The following SKA2 variants were observed in gnomAD, a reference collection of about 807,000 sequenced individuals.
SKA2 encodes spindle and kinetochore associated complex subunit 2.
In SKA2, 13 loss-of-function variants were observed where a neutral mutation model predicts 16.9. The observed-to-expected ratio is 0.77, with a 90% CI of 0.50 to 1.22. The LOEUF is 1.22. Ranked by LOEUF, SKA2 falls within the 50% of genes most tolerant of loss-of-function variation. The probability of loss-of-function intolerance (pLI) is 0.00; values close to 1 mark genes in which losing one functional copy is unlikely to be tolerated. For missense variants in SKA2, 107 were observed against 139.7 expected, an observed-to-expected ratio of 0.77 and a Z score of 1.18; for synonymous variants, 47 against 48.5, an observed-to-expected ratio of 0.97 and a Z score of 0.13.
intron 1 of SKA2, among the ~76,000 whole-genome samples, chr17:59,131,832 A>G (rs990909066): frequency 6.6e-6 from 1 of 152,218 alleles, no homozygotes; most frequent in African/African-American, 2.4e-5. Context: ...AAAGAGCTAC[A>G]ACTATGTGCC....
At position 59,142,948 on chromosome 17, in the gene SKA2, A is replaced by AG. The variant is rs1555712994; in HGVS notation, c.34-11582_34-11581insC. 8.7e-3 allele frequency among the ~76,000 whole-genome samples: 1,293 copies of AG among 149,280 alleles called. 13 individuals carry two copies. The highest frequency in any genetic ancestry group is 0.031 in the African/African-American group (1,217 of 39,750). ...ATCTCAAAAAAAAAAAAAAAAAAAAAAGAGAGAGAGACAGTGTCTCACTGT... is the reference window on the plus strand; with the variant it reads ...ATCTCAAAAAAAAAAAAAAAAAAAAAGAGAGAGAGAGACAGTGTCTCACTGT... On this transcript the variant is annotated intron_variant, in intron 1 of 3. Transcript: ENST00000330137.
At chr17:59,131,605 C>T (rs182921074) in intron 1 of SKA2, among the ~76,000 whole-genome samples, 1 of 152,174 alleles carries the variant, frequency 6.6e-6, no homozygotes, top group African/African-American at 2.4e-5. Context: ...CTCTCTCTTA[C>T]ATTTTGAGCC....
At chr17:59,132,487 AACCCC>A (rs2046418115) in intron 1 of SKA2, among the ~76,000 whole-genome samples, 3 of 152,330 alleles carry the variant, frequency 2.0e-5, no homozygotes, top group Admixed American at 2.0e-4. Context: ...AACATGGCAA[AACCCC>A]ATCTCTACTA....
At chr17:59,127,624 T>G (rs769551018) in intron 2 of SKA2, among the ~76,000 whole-genome samples, 8 of 152,102 alleles carry the variant, frequency 5.3e-5, no homozygotes, top group African/African-American at 1.7e-4. Flanking sequence ...TGACATCAGA[T>G]GATCAGCCTG....
At chr17:59,121,682 C>T (rs981921179) in intron 2 of SKA2, among the ~76,000 whole-genome samples, 6 of 148,598 alleles carry the variant, frequency 4.0e-5, no homozygotes, top group Non-Finnish European at 7.4e-5. Context: ...GGCGCGGTGG[C>T]TCACGCCTGT....
intron 3 of SKA2, among the ~76,000 whole-genome samples, chr17:59,114,414 T>C (rs1185011881): frequency 6.6e-6 from 1 of 152,230 alleles, no homozygotes; most frequent in Non-Finnish European, 1.5e-5. Context: ...ACTCAGGCTA[T>C]ATGGTATAGC....
rs193131652 is a variant in SKA2 at position 59,151,524 on chromosome 17, C to T, written c.33+3607G>A. 1.1e-3 allele frequency among the ~76,000 whole-genome samples: 171 copies of T among 152,120 alleles called. 1 individual carries two copies. Among genetic ancestry groups the T allele is most frequent in the Admixed American group, 7.1e-3 (108 of 15,260 alleles). The stretch of plus-strand genomic sequence containing the variant: ...GTTAATACTTTAGGATTGGTATTAA[C>T]AAAACCAGTTATAATTACTACTAAG... On this transcript the variant is annotated intron_variant, in intron 1 of 3. Transcript: ENST00000330137.
chr17:59,117,593 C>CT (rs112188258), intron 3 of SKA2, among the ~76,000 whole-genome samples: 2,211 of 143,456 alleles, frequency 0.015, 38 homozygotes, highest in African/African-American at 0.042. Context: ...TCTTTTTTTT[C>CT]TTTTTTTTTT....
At chr17:59,147,116 G>A (rs1418858456) in intron 1 of SKA2, among the ~76,000 whole-genome samples, 1 of 151,850 alleles carries the variant, frequency 6.6e-6, no homozygotes, top group Non-Finnish European at 1.5e-5. Flanking sequence ...CGAGATCACA[G>A]CATTGCACTC....
chr17:59,122,833 G>A (rs961251770), intron 2 of SKA2, among the ~76,000 whole-genome samples: 1 of 151,784 alleles, frequency 6.6e-6, no homozygotes, highest in Non-Finnish European at 1.5e-5. Context: ...ATGTTGGCCA[G>A]GCTGGTCTAG....
chr17:59,119,372 C>T lies in SKA2; in HGVS notation c.244G>A (p.Val82Met), dbSNP rs778862571. ...TGTATCATATTCATAGTCTTTTTCA[C>T]AGTAGCACAAATGCGGCTCTTACTC... ...KESKSRICAT[V>M]KKTMNMIQKL... The change falls in exon 3 of 4, where the codon GTG (valine) becomes ATG (methionine). Residue 82 changes from valine (V) to methionine (M), a missense_variant. Transcript: ENST00000330137. 5.6e-6 allele frequency: 9 copies of T among 1,613,962 alleles called. No individual in the cohort carries two copies. The highest frequency in any genetic ancestry group is 4.4e-5 in the South Asian group (4 of 91,080).
At chr17:59,146,730 T>G (rs2046535062) in intron 1 of SKA2, among the ~76,000 whole-genome samples, 1 of 152,166 alleles carries the variant, frequency 6.6e-6, no homozygotes, top group Admixed American at 6.5e-5. Context: ...GGCAGCACAA[T>G]CATAGCTCAT....
chr17:59,147,396 A>G (rs2046541928), intron 1 of SKA2, among the ~76,000 whole-genome samples: 1 of 151,686 alleles, frequency 6.6e-6, no homozygotes, highest in Non-Finnish European at 1.5e-5. Flanking sequence ...ACACACACAC[A>G]CACACACACA....
At position 59,135,751 on chromosome 17, in the gene SKA2, A is replaced by G. The variant is rs561649037; in HGVS notation, c.34-4384T>C. Among the ~76,000 whole-genome samples, 1,040 of 149,558 alleles carry G rather than the reference A, an allele frequency of 7.0e-3. 12 individuals carry two copies. The highest frequency in any genetic ancestry group is 0.023 in the African/African-American group (963 of 41,186). On this transcript the variant is annotated intron_variant, in intron 1 of 3. Transcript: ENST00000330137. ...CCATCCTGAAAAAATATATTTAAAA[A>G]ATATATTTTTAAAATATATAAAATA...
At chr17:59,140,062 T>C (rs1377509796) in intron 1 of SKA2, among the ~76,000 whole-genome samples, 1 of 152,164 alleles carries the variant, frequency 6.6e-6, no homozygotes, top group Non-Finnish European at 1.5e-5. Flanking sequence ...TATTGACTAT[T>C]ACCCATTCTC....
At chr17:59,134,546 G>A (rs1406732001) in intron 1 of SKA2, among the ~76,000 whole-genome samples, 1 of 151,504 alleles carries the variant, frequency 6.6e-6, no homozygotes, top group Non-Finnish European at 1.5e-5. Context: ...GTAGTTCCTT[G>A]AATGGTAACT....
At chr17:59,123,372 C>T (rs1221780130) in intron 2 of SKA2, among the ~76,000 whole-genome samples, 1 of 150,596 alleles carries the variant, frequency 6.6e-6, no homozygotes, top group Non-Finnish European at 1.5e-5. Context: ...GCCTGGCCAA[C>T]ACGGTGAAGC....
At chr17:59,129,143 G>C (rs981530725) in intron 2 of SKA2, 1 of 152,492 alleles carries the variant, frequency 6.6e-6, no homozygotes. Context: ...GAGTCCAGGA[G>C]TTCAAAACCA....
At chr17:59,116,810 CTTTTTTTTT>C (rs909458290) in intron 3 of SKA2, among the ~76,000 whole-genome samples, 33 of 75,300 alleles carry the variant, frequency 4.4e-4, no homozygotes, top group South Asian at 4.1e-3. Flanking sequence ...CTGCCTTTGG[CTTTTTTTTT>C]TTTTTTTTTT....
Sources: allele counts gnomAD v4.1 joint callset (sites outside exome capture counted in the v4.1 genomes callset), GRCh38; gene constraint gnomAD v4.1.1; transcripts MANE v1.5; gene names NCBI Gene and HGNC (gene_info 2026-07-23, HGNC 2026-07-21).